The following CACNA1C variants were observed in gnomAD, a reference collection of about 807,000 sequenced individuals.
CACNA1C encodes the protein calcium voltage-gated channel subunit alpha1 C.
CACNA1C carries 30 observed loss-of-function variants against 229.0 expected under a neutral mutation model. The ratio of observed to expected loss-of-function variants is 0.13; its 90% CI spans 0.10 to 0.18. CACNA1C has a LOEUF of 0.18. CACNA1C is among the 10% of genes least tolerant of loss of function. The pLI is 1.00. For synonymous variants in CACNA1C, 1,114 were observed against 1,132.5 expected, an observed-to-expected ratio of 0.98 and a Z score of 0.33; for missense variants, 1,658 against 2,845.0, an observed-to-expected ratio of 0.58 and a Z score of 9.49.
intron 3 of CACNA1C, among the ~76,000 whole-genome samples, chr12:2,193,335 A>G (rs2097299773): frequency 6.6e-6 from 1 of 152,220 alleles, no homozygotes; most frequent in Non-Finnish European, 1.5e-5. Context: ...CATACCTGTC[A>G]TCCCAGCTAC....
chr12:2,411,838 G>GC (rs2098810651), intron 3 of CACNA1C, among the ~76,000 whole-genome samples: 1 of 152,358 alleles, frequency 6.6e-6, no homozygotes, highest in East Asian at 1.9e-4. Context: ...CTGAAGCTCT[G>GC]CCCCAAAGGA....
At chr12:2,446,009 A>C (rs965148485) in intron 3 of CACNA1C, among the ~76,000 whole-genome samples, 1 of 152,136 alleles carries the variant, frequency 6.6e-6, no homozygotes. Context: ...TGAATGACTA[A>C]GGGGACAGAT....
At chr12:2,118,027 C>A (rs1360382046) in intron 2 of CACNA1C, among the ~76,000 whole-genome samples, 3 of 152,226 alleles carry the variant, frequency 2.0e-5, no homozygotes, top group African/African-American at 7.2e-5. Flanking sequence ...AGAGCACTTC[C>A]CAGGGCTTAC....
chr12:2,517,538 T>C (rs1290446897), intron 9 of CACNA1C, among the ~76,000 whole-genome samples: 1 of 152,258 alleles, frequency 6.6e-6, no homozygotes, highest in Non-Finnish European at 1.5e-5. Context: ...GGCATGTTTA[T>C]GTACTGTTGC....
At chr12:2,208,920 T>C (rs759748232) in intron 3 of CACNA1C, among the ~76,000 whole-genome samples, 1 of 152,214 alleles carries the variant, frequency 6.6e-6, no homozygotes, top group Non-Finnish European at 1.5e-5. Context: ...ACCACTCTAA[T>C]GATTCTAATC....
At chr12:2,236,893 C>T (rs1364618928) in intron 3 of CACNA1C, among the ~76,000 whole-genome samples, 1 of 152,212 alleles carries the variant, frequency 6.6e-6, no homozygotes, top group African/African-American at 2.4e-5. Context: ...ACTCCAGACA[C>T]TCAAAATCTC....
intron 2 of CACNA1C, among the ~76,000 whole-genome samples, chr12:2,116,428 G>A (rs894956771): frequency 6.6e-6 from 1 of 150,852 alleles, no homozygotes; most frequent in Non-Finnish European, 1.5e-5. Flanking sequence ...CTGGAGTGCA[G>A]TGGTGCCGTC....
chr12:2,264,211 G>A (rs2081422069), intron 3 of CACNA1C, among the ~76,000 whole-genome samples: 1 of 152,186 alleles, frequency 6.6e-6, no homozygotes, highest in African/African-American at 2.4e-5. Flanking sequence ...GTATAGTGAT[G>A]CCTCCTAAGC....
chr12:1,998,126 C>G, intron 1 of CACNA1C: 1 of 596,374 alleles, frequency 1.7e-6, no homozygotes, highest in East Asian at 3.2e-5. Context: ...AAGGAGAAAG[C>G]AAGTTCTATG....
Position 2,077,269 on chromosome 12 carries a change from T to G in CACNA1C, c.49+23658T>G, listed in dbSNP as rs2063551130. On this transcript the variant is annotated intron_variant, in intron 1 of 46. Transcript: ENST00000399655. Reference sequence around the variant, plus strand: ...TAAAAATGACATTAGGGTTCAGACTTTGCAATTGATTGCACATCTCTCTTT... The same window carrying G: ...TAAAAATGACATTAGGGTTCAGACTGTGCAATTGATTGCACATCTCTCTTT... Among the ~76,000 whole-genome samples, 3 of 152,378 alleles carry G rather than the reference T, an allele frequency of 2.0e-5. No individual in the cohort carries two copies. The South Asian group carries it at 6.2e-4, about 32-fold the overall frequency.
chr12:2,214,978 C>T (rs2059613678), intron 3 of CACNA1C, among the ~76,000 whole-genome samples: 2 of 152,052 alleles, frequency 1.3e-5, no homozygotes, highest in Admixed American at 6.5e-5. Flanking sequence ...TTTCCCCCAG[C>T]GAGGCACAGG....
intron 1 of CACNA1C, among the ~76,000 whole-genome samples, chr12:2,001,204 T>C (rs1409663431): frequency 2.0e-5 from 3 of 152,148 alleles, no homozygotes; most frequent in East Asian, 1.9e-4. Context: ...TCCATAGTTA[T>C]CCAAGGGCAA....
chr12:2,436,411 A>G (rs560239732), intron 3 of CACNA1C, among the ~76,000 whole-genome samples: 6 of 152,266 alleles, frequency 3.9e-5, no homozygotes, highest in African/African-American at 1.4e-4. Flanking sequence ...AAGAGCTGTA[A>G]CGTTACTGCC....
chr12:1,986,553 G>A (rs2037840720), intron 1 of CACNA1C, among the ~76,000 whole-genome samples: 1 of 152,182 alleles, frequency 6.6e-6, no homozygotes, highest in Non-Finnish European at 1.5e-5. Flanking sequence ...CCACCACAGT[G>A]GCAGTTCAGC....
chr12:2,687,712 C>T (rs1252497324), intron 45 of CACNA1C, among the ~76,000 whole-genome samples: 1 of 152,072 alleles, frequency 6.6e-6, no homozygotes, highest in Non-Finnish European at 1.5e-5. Flanking sequence ...GCTAATTTTG[C>T]ATTTGTAGTA....
chr12:2,148,080 A>T (rs2094889356), intron 3 of CACNA1C, among the ~76,000 whole-genome samples: 1 of 151,334 alleles, frequency 6.6e-6, no homozygotes. Context: ...TTTTGAAAGG[A>T]TTAGCATTAT....
At chr12:2,448,789 G>A (rs1187362086) in intron 3 of CACNA1C, among the ~76,000 whole-genome samples, 187 bp from the exon 4 acceptor site, 1 of 151,788 alleles carries the variant, frequency 6.6e-6, no homozygotes, top group Admixed American at 6.6e-5. Context: ...GTAATCCCCA[G>A]TAGCTTGGTG....
intron 1 of CACNA1C, among the ~76,000 whole-genome samples, chr12:2,028,439 C>T (rs1004287488): frequency 6.6e-6 from 1 of 152,168 alleles, no homozygotes; most frequent in Non-Finnish European, 1.5e-5. Context: ...ATAATCTGCT[C>T]AAAGTCACAA....
At chr12:2,298,654 G>C (rs939279312) in intron 3 of CACNA1C, among the ~76,000 whole-genome samples, 2 of 152,192 alleles carry the variant, frequency 1.3e-5, no homozygotes, top group Admixed American at 6.5e-5. Flanking sequence ...TGTCTGCCCT[G>C]GCATTCAGAA....
Sources: gnomAD v4.1 joint callset for allele counts (sites outside exome capture counted in the v4.1 genomes callset) on GRCh38, gnomAD v4.1.1 for gene constraint, MANE v1.5 for transcripts, NCBI Gene and HGNC (gene_info 2026-07-23, HGNC 2026-07-21) for gene names.